The following MBP variants were observed in gnomAD, a reference collection of about 807,000 sequenced individuals.
The protein encoded by MBP is myelin basic protein.
Under a neutral mutation model 35.8 loss-of-function variants are expected in MBP, and 16 were observed. The observed-to-expected ratio is 0.45, with a 90% confidence interval of 0.30 to 0.68. MBP has a LOEUF of 0.68. Ranked by LOEUF, MBP falls within the 30% of genes least tolerant of loss-of-function variation. The probability of loss-of-function intolerance (pLI) is 0.08; values close to 1 mark genes in which losing one functional copy is unlikely to be tolerated. For synonymous variants in MBP, 143 were observed against 159.6 expected, an observed-to-expected ratio of 0.90 and a Z score of 0.78; for missense variants, 380 against 404.7, an observed-to-expected ratio of 0.94 and a Z score of 0.52.
intron 2 of MBP, among the ~76,000 whole-genome samples, chr18:77,099,446 T>C (rs1975909548): frequency 6.6e-6 from 1 of 152,272 alleles, no homozygotes; most frequent in Admixed American, 6.5e-5. Flanking sequence ...ATGGATTCTA[T>C]GCTTACATGA....
intron 2 of MBP, among the ~76,000 whole-genome samples, chr18:77,090,824 G>A (rs1396879829): frequency 1.3e-5 from 2 of 152,164 alleles, no homozygotes; most frequent in Non-Finnish European, 2.9e-5. Context: ...CAGGACAACC[G>A]GGGAGTCTCA....
chr18:77,066,177 T>G, intron 3 of MBP, 121 bp downstream of exon 3: 1 of 700,142 alleles, frequency 1.4e-6, no homozygotes, highest in East Asian at 2.6e-5. Context: ...GTTTTAGTAA[T>G]GAGTACAGAC....
rs1291012959 is a variant in MBP, at chr18:77,066,366, CCT to C, written c.69_70del (p.Gly24ArgfsTer3). ...CAGGTTTCTCTTTTTTTCAGATTCT[CCT>C]CTGTTAGTTTCACTATTCTGGAAAA... On this transcript the variant is annotated frameshift_variant, in exon 3 of 9. Coordinates refer to ENST00000355994, the MANE Select transcript of MBP (RefSeq NM_001025101.2). LOFTEE classifies it high-confidence loss of function. The C allele has an allele frequency of 4.3e-6, 7 of 1,612,232 alleles. No homozygotes were observed. Among genetic ancestry groups the C allele is most frequent in the East Asian group, 2.2e-5 (1 of 44,886 alleles).
At chr18:76,990,147 T>C in intron 4 of MBP, 87 bp from the exon 5 acceptor site, 1 of 808,034 alleles carries the variant, frequency 1.2e-6, no homozygotes, top group Non-Finnish European at 2.0e-6. Context: ...TCTCCTCCTT[T>C]GTAATCTGGA....
rs140401562 is a variant in MBP at position 77,063,526 on chromosome 18, C to T, written c.139+2772G>A. On this transcript the variant is annotated intron_variant, in intron 3 of 8. Coordinates refer to ENST00000355994, the MANE Select transcript of MBP (RefSeq NM_001025101.2). ...TCTTGAGAACTGCTTCCTCGGCACA[C>T]TCACGGGCAGAAAGGCTTGGAATGT... is the stretch of plus-strand genomic sequence containing the variant. Among the ~76,000 whole-genome samples, 413 of 152,304 alleles carry T rather than the reference C, an allele frequency of 2.7e-3. 2 individuals are homozygous for T. The highest frequency in any genetic ancestry group is 4.7e-3 in the Non-Finnish European group (321 of 68,032).
At chr18:77,086,017 A>C (rs1341035141) in intron 2 of MBP, among the ~76,000 whole-genome samples, 3 of 152,196 alleles carry the variant, frequency 2.0e-5, no homozygotes, top group African/African-American at 7.2e-5. Context: ...TGACAGACAG[A>C]CAGACAAACA....
chr18:77,029,430 GA>G (rs1345060793), intron 3 of MBP, among the ~76,000 whole-genome samples: 58 of 122,058 alleles, frequency 4.8e-4, no homozygotes, highest in Non-Finnish European at 2.5e-4. Context: ...ACCGTGGGGA[GA>G]GGGAGAGGGA....
chr18:77,104,375 T>C (rs1260595804), intron 2 of MBP, among the ~76,000 whole-genome samples: 1 of 152,188 alleles, frequency 6.6e-6, no homozygotes, highest in Non-Finnish European at 1.5e-5. Flanking sequence ...GGCCAGAGCA[T>C]GACCCCAAAG....
At chr18:77,074,421 A>G (rs1018672126) in intron 2 of MBP, among the ~76,000 whole-genome samples, 2 of 152,076 alleles carry the variant, frequency 1.3e-5, no homozygotes, top group African/African-American at 4.8e-5. Flanking sequence ...GGAGTCAGAG[A>G]CTTCAGGGTT....
chr18:77,110,062 C>T (rs527677666), intron 1 of MBP: 3 of 152,266 alleles, frequency 2.0e-5, no homozygotes, highest in Admixed American at 1.3e-4. Context: ...TAGATAATTA[C>T]AGGAATAACC....
At chr18:77,071,700 T>C (rs959897000) in intron 2 of MBP, among the ~76,000 whole-genome samples, 2 of 152,146 alleles carry the variant, frequency 1.3e-5, no homozygotes, top group Non-Finnish European at 2.9e-5. Context: ...TTCCCACCCA[T>C]GCTTGCACCA....
At chr18:77,004,820 T>G (rs1970838689) in intron 4 of MBP, 1 of 152,358 alleles carries the variant, frequency 6.6e-6, no homozygotes, top group South Asian at 2.1e-4. Flanking sequence ...TTTCTCCTCT[T>G]AGCAAACTGT....
rs1973138224 is a variant in MBP at position 77,044,379 on chromosome 18, C to T, written c.139+21919G>A. The stretch of plus-strand genomic sequence containing the variant: ...CAACTCTGCTGCAGCTGCCGTGGTG[C>T]CAGCCCCCTGCCCCTCTCCTCCACC... On this transcript the variant is annotated intron_variant, in intron 3 of 8. Coordinates refer to ENST00000355994, the MANE Select transcript of MBP (RefSeq NM_001025101.2). This position sits in a 1 kb window ranked among gnomAD's most constrained non-coding sequence, Gnocchi z 4.4. 6.6e-6 allele frequency among the ~76,000 whole-genome samples: 1 copy of T among 152,070 alleles called. No homozygotes were observed. The highest frequency in any genetic ancestry group is 2.1e-4 in the South Asian group (1 of 4,806).
chr18:77,027,982 T>TTTTA (rs56265384), intron 3 of MBP, among the ~76,000 whole-genome samples: 86 of 145,438 alleles, frequency 5.9e-4, no homozygotes, highest in African/African-American at 1.7e-3. Flanking sequence ...CCCAGCTAAT[T>TTTTA]TTTATTTATT....
chr18:76,979,485 G>A lies in MBP; in HGVS notation c.*942C>T, dbSNP rs903584192. On this transcript the variant is annotated 3_prime_UTR_variant, in exon 9 of 9. Transcript: ENST00000355994. Reference sequence around the variant, plus strand: ...GCCAGCACGCCCGGTCACAGCCAGTGTCTATGGGCGACTGGCGCGGCTGCG... The same window carrying A: ...GCCAGCACGCCCGGTCACAGCCAGTATCTATGGGCGACTGGCGCGGCTGCG... 1.2e-5 allele frequency: 2 copies of A among 164,376 alleles called. No individual in the cohort carries two copies. The highest frequency in any genetic ancestry group is 4.8e-5 in the African/African-American group (2 of 41,596). The allele number at this position is 164,376 out of a possible 1,614,324, so 10.2% of individuals were successfully genotyped here.
intron 3 of MBP, among the ~76,000 whole-genome samples, chr18:77,048,620 C>G (rs944864017): frequency 2.6e-5 from 4 of 152,114 alleles, no homozygotes; most frequent in African/African-American, 9.7e-5. Flanking sequence ...CCCGCCACCA[C>G]GGCCGGCTAA....
Position 76,989,873 on chromosome 18 carries a change from A to T in MBP, c.681+83T>A. ...CCCCGGTGCCACCCCCGAGCGTACGAACGTCCTGTGTGGATGACAGCAGTG... is the reference window on the plus strand; with the variant it reads ...CCCCGGTGCCACCCCCGAGCGTACGTACGTCCTGTGTGGATGACAGCAGTG... On this transcript the variant is annotated intron_variant, in intron 5 of 8. Coordinates refer to ENST00000355994, the MANE Select transcript of MBP (RefSeq NM_001025101.2). This position sits in a 1 kb window ranked among gnomAD's most constrained non-coding sequence, Gnocchi z 4.0. 7.2e-6 allele frequency: 9 copies of T among 1,254,812 alleles called. No homozygotes were observed. Among genetic ancestry groups the T allele is most frequent in the Non-Finnish European group, 9.3e-6 (8 of 857,870 alleles). 77.7% of individuals were successfully genotyped at this position (1,254,812 alleles called of 1,614,324 possible). A position where few individuals can be genotyped will look rare whatever the true frequency, so the allele number is the denominator to read the frequency against.
intron 2 of MBP, among the ~76,000 whole-genome samples, chr18:77,071,580 G>A (rs542660923): frequency 6.6e-6 from 1 of 152,182 alleles, no homozygotes; most frequent in African/African-American, 2.4e-5. Flanking sequence ...ATCCATGACT[G>A]TATTCTCTCC....
chr18:77,046,754 C>G (rs1490632077), intron 3 of MBP, among the ~76,000 whole-genome samples: 1 of 152,238 alleles, frequency 6.6e-6, no homozygotes, highest in African/African-American at 2.4e-5. Flanking sequence ...GTTCCTACGG[C>G]CCACCCTTCC....
Sources: gnomAD v4.1 joint callset for allele counts (sites outside exome capture counted in the v4.1 genomes callset) on GRCh38, gnomAD v4.1.1 for gene constraint, Gnocchi (gnomAD v3.1) non-coding constraint, MANE v1.5 for transcripts, NCBI Gene and HGNC (gene_info 2026-07-23, HGNC 2026-07-21) for gene names.